The following EPAS1 variants were observed in gnomAD, a reference collection of about 807,000 sequenced individuals.
The protein encoded by EPAS1 is endothelial PAS domain protein 1.
A neutral mutation model predicts 87.9 loss-of-function variants in EPAS1; 23 were observed. The ratio of observed to expected loss-of-function variants is 0.26; its 90% CI spans 0.19 to 0.37. EPAS1 has a LOEUF of 0.37. Ranked by LOEUF, EPAS1 falls within the 10% of genes least tolerant of loss-of-function variation. The probability of loss-of-function intolerance (pLI) is 1.00; values close to 1 mark genes in which losing one functional copy is unlikely to be tolerated. For missense variants in EPAS1, 1,138 were observed against 1,120.7 expected, an observed-to-expected ratio of 1.02 and a Z score of -0.22; for synonymous variants, 508 against 444.3, an observed-to-expected ratio of 1.14 and a Z score of -1.80.
intron 14 of EPAS1, 99 bp from the exon 15 acceptor site, chr2:46,382,326 T>C: frequency 6.7e-7 from 1 of 1,491,432 alleles, no homozygotes; most frequent in Non-Finnish European, 9.3e-7. Context: ...TTCTGGTGAC[T>C]CTGAGCACCT....
chr2:46,380,744 A>C lies in EPAS1; in HGVS notation c.2045+27A>C, dbSNP rs760142662. The C allele has an allele frequency of 6.2e-7, 1 of 1,604,112 alleles. No individual in the cohort carries two copies. Among genetic ancestry groups the C allele is most frequent in the Non-Finnish European group, 8.5e-7 (1 of 1,179,952 alleles). On this transcript the variant is annotated intron_variant, in intron 12 of 15. Transcript: ENST00000263734. This position sits in a 1 kb window ranked among gnomAD's most constrained non-coding sequence, Gnocchi z 4.4. ...TAAGTGGCAGATACTCAGCTGTACC[A>C]GCAGGGCCGAACCGAGAGGCACCCA...
chr2:46,325,542 C>T (rs769251316), intron 1 of EPAS1, among the ~76,000 whole-genome samples: 15 of 152,102 alleles, frequency 9.9e-5, no homozygotes, highest in Non-Finnish European at 1.3e-4. Flanking sequence ...AGAATCCAGG[C>T]GGGATAAGAT....
At chr2:46,330,364 T>TG (rs1171977407) in intron 1 of EPAS1, among the ~76,000 whole-genome samples, 1 of 152,204 alleles carries the variant, frequency 6.6e-6, no homozygotes, top group African/African-American at 2.4e-5. Flanking sequence ...CACACATAGA[T>TG]GGGTAGTGCA....
chr2:46,324,063 G>GT (rs1321085386), intron 1 of EPAS1, among the ~76,000 whole-genome samples: 3 of 152,132 alleles, frequency 2.0e-5, no homozygotes, highest in Non-Finnish European at 4.4e-5. Context: ...GTGAATTATG[G>GT]TTTTTTTGTT....
chr2:46,352,051 T>C (rs976606400), intron 2 of EPAS1, among the ~76,000 whole-genome samples: 13 of 152,206 alleles, frequency 8.5e-5, no homozygotes, highest in Non-Finnish European at 1.5e-5. Flanking sequence ...TAAAGAATCT[T>C]GTTATGCTCC....
At chr2:46,321,523 C>T (rs1445364389) in intron 1 of EPAS1, among the ~76,000 whole-genome samples, 1 of 152,130 alleles carries the variant, frequency 6.6e-6, no homozygotes, top group South Asian at 2.1e-4. Flanking sequence ...CATTTCCCTG[C>T]TAACACTTGT....
At chr2:46,309,435 C>G (rs1359376143) in intron 1 of EPAS1, among the ~76,000 whole-genome samples, 1 of 152,208 alleles carries the variant, frequency 6.6e-6, no homozygotes, top group African/African-American at 2.4e-5. Flanking sequence ...AAGTCACAAC[C>G]AACTCAGATA....
chr2:46,311,168 C>T (rs1357762318), intron 1 of EPAS1, among the ~76,000 whole-genome samples: 1 of 152,220 alleles, frequency 6.6e-6, no homozygotes, highest in Non-Finnish European at 1.5e-5. Context: ...TGAGCCACTG[C>T]ACCCAGCATA....
At chr2:46,329,112 T>C (rs1683620159) in intron 1 of EPAS1, among the ~76,000 whole-genome samples, 1 of 152,232 alleles carries the variant, frequency 6.6e-6, no homozygotes, top group Non-Finnish European at 1.5e-5. Flanking sequence ...TCCTGGGTTT[T>C]TAAAGTCAAG....
At chr2:46,382,281 T>C in intron 14 of EPAS1, 144 bp from the exon 15 acceptor site, 1 of 1,168,154 alleles carries the variant, frequency 8.6e-7, no homozygotes, top group East Asian at 2.4e-5. Context: ...CTGACTTAGA[T>C]GATGCCATCA....
chr2:46,378,990 A>ATAAGAAAG (rs1446028750), intron 11 of EPAS1, among the ~76,000 whole-genome samples: 2 of 152,184 alleles, frequency 1.3e-5, no homozygotes, highest in Non-Finnish European at 2.9e-5. Context: ...TGTGTCTCCT[A>ATAAGAAAG]CTTAGATAGC....
chr2:46,376,789 C>T (rs779491388), intron 9 of EPAS1, 36 bp downstream of exon 9: 4 of 1,604,028 alleles, frequency 2.5e-6, no homozygotes, highest in Non-Finnish European at 2.6e-6. Flanking sequence ...CCCCTGGAAC[C>T]CCGTTGGGGC....
intron 1 of EPAS1, among the ~76,000 whole-genome samples, chr2:46,299,642 C>G (rs1682957360): frequency 6.6e-6 from 1 of 152,212 alleles, no homozygotes; most frequent in Non-Finnish European, 1.5e-5. Flanking sequence ...GGGAATGTGG[C>G]AATCGCCGAG....
At chr2:46,324,061 TG>T (rs1683505894) in intron 1 of EPAS1, among the ~76,000 whole-genome samples, 1 of 152,214 alleles carries the variant, frequency 6.6e-6, no homozygotes, top group South Asian at 2.1e-4. Flanking sequence ...GGGTGAATTA[TG>T]GTTTTTTTGT....
In EPAS1 at chr2:46,375,015, C is replaced by G. The variant is rs1684707941; in HGVS notation, c.887-675C>G. 6.6e-6 allele frequency among the ~76,000 whole-genome samples: 1 copy of G among 151,996 alleles called. No individual in the cohort carries two copies. Among genetic ancestry groups the G allele is most frequent in the Non-Finnish European group, 1.5e-5 (1 of 67,984 alleles). On this transcript the variant is annotated intron_variant, in intron 7 of 15. Coordinates refer to ENST00000263734, the MANE Select transcript of EPAS1 (RefSeq NM_001430.5). This position sits in a 1 kb window ranked among gnomAD's most constrained non-coding sequence, Gnocchi z 4.1. ...CCAGGGTCCCAGCTCTTTCTCAGCC[C>G]CAACTGAGAAAGGGTGGGGTGGTTT...
In EPAS1 at chr2:46,360,880, C is replaced by G. The variant is rs150877473; in HGVS notation, c.574-5C>G. 489 of 1,614,178 alleles carry G rather than the reference C, an allele frequency of 3.0e-4. 10 individuals carry two copies. In the East Asian group the frequency reaches 4.8e-3, roughly 16 times the overall value. ...CCATGTCTGACCCTTCCACGCCTGT[C>G]TCAGGTCTTGCACTGCACGGGCCAG... On this transcript the variant is annotated splice_region_variant and splice_polypyrimidine_tract_variant and intron_variant, in intron 5 of 15. Coordinates refer to ENST00000263734, the MANE Select transcript of EPAS1 (RefSeq NM_001430.5). This position sits in a 1 kb window ranked among gnomAD's most constrained non-coding sequence, Gnocchi z 4.5.
chr2:46,362,881 T>C (rs915690325), intron 6 of EPAS1, among the ~76,000 whole-genome samples: 1 of 151,364 alleles, frequency 6.6e-6, no homozygotes. Flanking sequence ...TCTAACCTCA[T>C]AGGGAGAAAA....
chr2:46,373,865 T>C (rs1684677367), intron 7 of EPAS1, among the ~76,000 whole-genome samples: 1 of 152,246 alleles, frequency 6.6e-6, no homozygotes, highest in African/African-American at 2.4e-5. Context: ...TGTCTACTGT[T>C]TCCACTGAGG....
chr2:46,330,243 C>T (rs1572623681), intron 1 of EPAS1, among the ~76,000 whole-genome samples: 1 of 152,210 alleles, frequency 6.6e-6, no homozygotes, highest in African/African-American at 2.4e-5. Flanking sequence ...CCCATTCCCA[C>T]AGAGATCTGG....
Sources: allele counts gnomAD v4.1 joint callset (sites outside exome capture counted in the v4.1 genomes callset), GRCh38; gene constraint gnomAD v4.1.1; non-coding constraint Gnocchi (gnomAD v3.1); transcripts MANE v1.5; gene names NCBI Gene and HGNC (gene_info 2026-07-23, HGNC 2026-07-21).